Variants in WDR25 observed in about 807,000 individuals in gnomAD.
WDR25 encodes WD repeat-containing protein 25.
Under a neutral mutation model 47.7 loss-of-function variants are expected in WDR25, and 35 were observed. The ratio of observed to expected loss-of-function variants is 0.73; its 90% CI spans 0.56 to 0.97. WDR25 has a LOEUF of 0.97. WDR25 is among the 50% of genes least tolerant of loss of function. The pLI, the probability that WDR25 is intolerant of heterozygous loss-of-function variation, is 0.00. For synonymous variants in WDR25, 248 were observed against 278.9 expected (o/e 0.89, Z 1.10); for missense variants, 634 against 704.7 (o/e 0.90, Z 1.14).
At chr14:100,385,873 C>G (rs765010651) in intron 2 of WDR25, among the ~76,000 whole-genome samples, 2 of 151,988 alleles carry the variant, frequency 1.3e-5, no homozygotes, top group African/African-American at 4.8e-5. Flanking sequence ...AAAACATGTA[C>G]GTGGCCTGCG....
intron 3 of WDR25, among the ~76,000 whole-genome samples, chr14:100,481,439 CTT>C (rs34968968): frequency 3.6e-5 from 5 of 140,502 alleles, no homozygotes; most frequent in Non-Finnish European, 4.6e-5. Flanking sequence ...AGTGTAAATG[CTT>C]TTTTTTTTTT....
Position 100,463,774 on chromosome 14 carries a change from A to G in WDR25, c.823-4247A>G, listed in dbSNP as rs73349456. Among the ~76,000 whole-genome samples, 538 of 151,652 alleles carry G rather than the reference A, an allele frequency of 3.5e-3. 5 individuals carry two copies. Among genetic ancestry groups the G allele is most frequent in the African/African-American group, 0.012 (497 of 41,308 alleles). ...TTCTGCAGGCTGACCCATCCCTGCA[A>G]CTCCACCCCTTTCAGTGCTTGGGCC... On this transcript the variant is annotated intron_variant, in intron 2 of 6. Coordinates refer to ENST00000402312, the MANE Select transcript of WDR25 (RefSeq NM_001161476.3).
chr14:100,437,677 G>A (rs996549638), intron 2 of WDR25, among the ~76,000 whole-genome samples: 6 of 152,102 alleles, frequency 3.9e-5, no homozygotes, highest in Non-Finnish European at 7.4e-5. Context: ...AGTATTAGTA[G>A]TATTACTGTT....
At position 100,428,957 on chromosome 14, in the gene WDR25, C is replaced by T. The variant is rs1450509274; in HGVS notation, c.823-39064C>T. On this transcript the variant is annotated intron_variant, in intron 2 of 6. Transcript: ENST00000402312. The surrounding 1 kb of genome is among the most constrained non-coding windows in gnomAD (Gnocchi z 4.3). ...GAGTCATCTAATATGGTTTCCCGAG[C>T]GTGTCAGCTTCACTTCACATAAGTC... 2.0e-5 allele frequency among the ~76,000 whole-genome samples: 3 copies of T among 152,152 alleles called. No homozygotes were observed. The highest frequency in any genetic ancestry group is 2.9e-5 in the Non-Finnish European group (2 of 68,044).
chr14:100,471,229 GTC>G (rs1237954274), intron 3 of WDR25, among the ~76,000 whole-genome samples: 1 of 152,096 alleles, frequency 6.6e-6, no homozygotes, highest in African/African-American at 2.4e-5. Flanking sequence ...TGGTCTTTGT[GTC>G]TCTATCCTCT....
intron 4 of WDR25, among the ~76,000 whole-genome samples, chr14:100,492,635 T>C (rs1900603878): frequency 6.6e-6 from 1 of 152,212 alleles, no homozygotes; most frequent in African/African-American, 2.4e-5. Flanking sequence ...TAAAATAAGC[T>C]CTGTGCTGCA....
intron 2 of WDR25, among the ~76,000 whole-genome samples, chr14:100,462,739 T>G (rs1018637584): frequency 2.6e-5 from 4 of 152,132 alleles, no homozygotes; most frequent in Non-Finnish European, 4.4e-5. Flanking sequence ...TTTTTGTAAT[T>G]TCTTCTTTCT....
chr14:100,494,115 A>G (rs1203299605), intron 4 of WDR25, among the ~76,000 whole-genome samples: 1 of 152,160 alleles, frequency 6.6e-6, no homozygotes, highest in Admixed American at 6.5e-5. Flanking sequence ...CTGGAATGCA[A>G]TGCTGTGATC....
rs774324634 is a variant in WDR25 at position 100,404,242 on chromosome 14, C to T, written c.822+22496C>T. 6.6e-6 allele frequency among the ~76,000 whole-genome samples: 1 copy of T among 152,340 alleles called. No homozygotes were observed. Among genetic ancestry groups the T allele is most frequent in the Non-Finnish European group, 1.5e-5 (1 of 68,032 alleles). ...CTGGGGCTGAGAGGGCCTCAGGGCA[C>T]GGTGCTGCAAGGTGCGGAGCTGGGA... is the stretch of plus-strand genomic sequence containing the variant. On this transcript the variant is annotated intron_variant, in intron 2 of 6. Coordinates refer to ENST00000402312, the MANE Select transcript of WDR25 (RefSeq NM_001161476.3). The surrounding 1 kb of genome is among the most constrained non-coding windows in gnomAD (Gnocchi z 4.6).
chr14:100,495,648 C>T (rs542938391), intron 4 of WDR25, among the ~76,000 whole-genome samples: 1 of 152,336 alleles, frequency 6.6e-6, no homozygotes, highest in South Asian at 2.1e-4. Context: ...ATTCACCTAT[C>T]TATGTCTCCA....
At chr14:100,379,548 C>T (rs1283065408) in intron 1 of WDR25, among the ~76,000 whole-genome samples, 10 of 150,848 alleles carry the variant, frequency 6.6e-5, no homozygotes, top group African/African-American at 1.2e-4. Flanking sequence ...CCACCATGTC[C>T]GGCTAATTTT....
At chr14:100,423,401 A>G (rs114855931) in intron 2 of WDR25, among the ~76,000 whole-genome samples, 2,254 of 152,260 alleles carry the variant, frequency 0.015, 65 homozygotes, top group African/African-American at 0.049. Flanking sequence ...TCCTTGGGCC[A>G]CATAGCACCC....
chr14:100,394,752 T>C (rs1897219526), intron 2 of WDR25, among the ~76,000 whole-genome samples: 2 of 151,238 alleles, frequency 1.3e-5, no homozygotes, highest in South Asian at 4.2e-4. Context: ...GAAGGACGAG[T>C]TGGGTCTTAG....
rs1435362651 is a variant in WDR25 at position 100,529,945 on chromosome 14, G to A, written c.1539G>A (p.Gly513=). 1.2e-6 allele frequency: 2 copies of A among 1,613,446 alleles called. No individual in the cohort carries two copies. The highest frequency in any genetic ancestry group is 1.3e-5 in the African/African-American group (1 of 74,946). The part of the protein sequence containing the change: ...RTASRACTLQ[G]HTQACVGTTY... Reference sequence around the variant, plus strand: ...CCAGCCGAGCATGCACACTGCAGGGGCACACACAGGCCTGTGTCGGCACCA... The same window carrying A: ...CCAGCCGAGCATGCACACTGCAGGGACACACACAGGCCTGTGTCGGCACCA... The change falls in exon 7 of 7, where the codon GGG becomes GGA. Residue 513 remains glycine, a synonymous_variant. Coordinates refer to ENST00000402312, the MANE Select transcript of WDR25 (RefSeq NM_001161476.3). This position sits in a 1 kb window ranked among gnomAD's most constrained non-coding sequence, Gnocchi z 5.1.
intron 4 of WDR25, among the ~76,000 whole-genome samples, chr14:100,518,239 T>C (rs1901573706): frequency 6.6e-6 from 1 of 152,216 alleles, no homozygotes; most frequent in South Asian, 2.1e-4. Flanking sequence ...TCCTGAAAGA[T>C]ATTTTTGCTG....
chr14:100,417,732 T>C (rs1016953107), intron 2 of WDR25, among the ~76,000 whole-genome samples: 1 of 152,176 alleles, frequency 6.6e-6, no homozygotes, highest in African/African-American at 2.4e-5. Flanking sequence ...TACTGTGTGA[T>C]TGGTCTGCAA....
chr14:100,508,313 CT>C (rs1566941973), intron 4 of WDR25, among the ~76,000 whole-genome samples: 1 of 152,168 alleles, frequency 6.6e-6, no homozygotes, highest in African/African-American at 2.4e-5. Context: ...CCACAGCCAA[CT>C]TCATACTGAA....
Position 100,430,346 on chromosome 14 carries a change from A to T in WDR25, c.823-37675A>T, listed in dbSNP as rs1264809489. 2.0e-5 allele frequency among the ~76,000 whole-genome samples: 3 copies of T among 152,028 alleles called. No homozygotes were observed. The highest frequency in any genetic ancestry group is 6.6e-5 in the Admixed American group (1 of 15,264). On this transcript the variant is annotated intron_variant, in intron 2 of 6. Transcript: ENST00000402312. The surrounding 1 kb of genome is among the most constrained non-coding windows in gnomAD (Gnocchi z 4.7). Reference sequence around the variant, plus strand: ...TTTGGGGAAATGGAGGAATTGTGACATTTGCCCTAGGTGATGGGGTGCTGC... The same window carrying T: ...TTTGGGGAAATGGAGGAATTGTGACTTTTGCCCTAGGTGATGGGGTGCTGC...
chr14:100,419,393 G>A (rs1897967271), intron 2 of WDR25, among the ~76,000 whole-genome samples: 1 of 152,060 alleles, frequency 6.6e-6, no homozygotes, highest in African/African-American at 2.4e-5. Context: ...ATTGTTGAAT[G>A]CTCTGTTGGA....
Sources: gnomAD v4.1 joint callset for allele counts (sites outside exome capture counted in the v4.1 genomes callset) on GRCh38, gnomAD v4.1.1 for gene constraint, Gnocchi (gnomAD v3.1) non-coding constraint, MANE v1.5 for transcripts, NCBI Gene and HGNC (gene_info 2026-07-23, HGNC 2026-07-21) for gene names.